The following DCLK1 variants were observed in gnomAD, a reference collection of about 807,000 sequenced individuals.
The protein encoded by DCLK1 is serine/threonine-protein kinase DCLK1.
Under a neutral mutation model 86.2 loss-of-function variants are expected in DCLK1, and 16 were observed. That is an observed-to-expected ratio of 0.19 (90% CI 0.13 to 0.28). The LOEUF (loss-of-function observed/expected upper bound fraction) is 0.28, where lower values mean the gene tolerates loss of function less well. DCLK1 is among the 10% of genes least tolerant of loss of function. The probability of loss-of-function intolerance (pLI) is 1.00; values close to 1 mark genes in which losing one functional copy is unlikely to be tolerated. For missense variants in DCLK1, 590 were observed against 940.2 expected (o/e 0.63, Z 4.87); for synonymous variants, 369 against 370.5 (o/e 1.00, Z 0.05).
At position 36,000,959 on chromosome 13, in the gene DCLK1, T is replaced by G. The variant is rs1479226046; in HGVS notation, c.724-53502A>C. Among the ~76,000 whole-genome samples, 5 of 152,178 alleles carry G rather than the reference T, an allele frequency of 3.3e-5. No individual in the cohort carries two copies. In the East Asian group the frequency reaches 9.7e-4, roughly 29 times the overall value. On this transcript the variant is annotated intron_variant, in intron 3 of 16. Transcript: ENST00000360631. ...GTTGTATGCATAACTGATTTTTTTTTTTTTTTGAGACAGAGTTTCACTTTT... is the reference window on the plus strand; with the variant it reads ...GTTGTATGCATAACTGATTTTTTTTGTTTTTTGAGACAGAGTTTCACTTTT...
At chr13:35,961,068 T>A (rs1555353052) in intron 3 of DCLK1, among the ~76,000 whole-genome samples, 1 of 152,206 alleles carries the variant, frequency 6.6e-6, no homozygotes, top group Non-Finnish European at 1.5e-5. Flanking sequence ...CAGCATATAA[T>A]AGAGGTTTTG....
At chr13:36,013,461 C>T (rs1389515280) in intron 3 of DCLK1, among the ~76,000 whole-genome samples, 2 of 152,154 alleles carry the variant, frequency 1.3e-5, no homozygotes, top group African/African-American at 4.8e-5. Context: ...GGACCCTCAG[C>T]TGCAGGTCTT....
chr13:35,947,182 C>T (rs188565420), intron 4 of DCLK1, among the ~76,000 whole-genome samples, 176 bp downstream of exon 4: 5 of 152,158 alleles, frequency 3.3e-5, no homozygotes, highest in Non-Finnish European at 5.9e-5. Flanking sequence ...CTCATTTCAT[C>T]TGTTTTCCAT....
At chr13:35,924,577 A>C (rs1198310782) in intron 4 of DCLK1, among the ~76,000 whole-genome samples, 4 of 152,142 alleles carry the variant, frequency 2.6e-5, no homozygotes, top group Admixed American at 1.3e-4. Flanking sequence ...GCTTGAACCC[A>C]AGGTGAAGGT....
At chr13:35,827,827 A>G (rs1203171957) in intron 9 of DCLK1, 73 bp from the exon 10 acceptor site, 1 of 1,566,914 alleles carries the variant, frequency 6.4e-7, no homozygotes, top group African/African-American at 1.4e-5. Flanking sequence ...GAGTACAACT[A>G]TACTATGTAA....
intron 3 of DCLK1, among the ~76,000 whole-genome samples, chr13:35,948,355 A>G (rs999692741): frequency 6.6e-6 from 1 of 152,200 alleles, no homozygotes; most frequent in Non-Finnish European, 1.5e-5. Context: ...GCACCCATTC[A>G]GAGCTGTATG....
intron 3 of DCLK1, among the ~76,000 whole-genome samples, chr13:36,020,241 G>A (rs558758006): frequency 3.3e-4 from 50 of 152,156 alleles, no homozygotes; most frequent in African/African-American, 1.1e-3. Flanking sequence ...GTATTCTTTT[G>A]TAGTAATACA....
intron 3 of DCLK1, among the ~76,000 whole-genome samples, chr13:36,048,240 A>C (rs1204710061): frequency 6.6e-6 from 1 of 152,184 alleles, no homozygotes; most frequent in Non-Finnish European, 1.5e-5. Context: ...GAAACCTTTC[A>C]CTAGGGACAA....
chr13:36,126,491 T>C (rs1886193657), intron 1 of DCLK1, among the ~76,000 whole-genome samples: 1 of 152,186 alleles, frequency 6.6e-6, no homozygotes, highest in South Asian at 2.1e-4. Context: ...CTTGAATCCC[T>C]GGCCTCAAGT....
At chr13:36,022,906 G>C (rs1271838487) in intron 3 of DCLK1, among the ~76,000 whole-genome samples, 1 of 152,148 alleles carries the variant, frequency 6.6e-6, no homozygotes. Flanking sequence ...TTTGAGGCTA[G>C]TATTATCCTG....
rs1174183475 is a variant in DCLK1, at chr13:35,769,296, CTT to C, written c.*5237_*5238del. ...TTCAAAAGAAATATTGAATTTTTTT[CTT>C]GAGTCAAATTGAAACCTTTCAGAAA... is the stretch of plus-strand genomic sequence containing the variant. On this transcript the variant is annotated 3_prime_UTR_variant, in exon 17 of 17. Transcript: ENST00000360631. 2 of 152,092 alleles carry C rather than the reference CTT, an allele frequency of 1.3e-5. No individual in the cohort carries two copies. The highest frequency in any genetic ancestry group is 2.4e-5 in the African/African-American group (1 of 41,434). 9.4% of individuals were successfully genotyped at this position (152,092 alleles called of 1,614,324 possible).
intron 5 of DCLK1, among the ~76,000 whole-genome samples, chr13:35,861,810 A>G (rs1871409198): frequency 7.0e-6 from 1 of 142,678 alleles, no homozygotes; most frequent in Non-Finnish European, 1.6e-5. Flanking sequence ...GTAGATCACG[A>G]GGTCAGAAGA....
chr13:35,829,431 C>T (rs559904959), intron 8 of DCLK1, among the ~76,000 whole-genome samples: 1 of 152,068 alleles, frequency 6.6e-6, no homozygotes, highest in African/African-American at 2.4e-5. Context: ...ATCCAATGGA[C>T]ACAAATAGTA....
chr13:35,825,188 G>A (rs1314161236), intron 10 of DCLK1, among the ~76,000 whole-genome samples: 1 of 152,132 alleles, frequency 6.6e-6, no homozygotes, highest in Non-Finnish European at 1.5e-5. Flanking sequence ...ACATCCCTGG[G>A]CCCTGAGGGT....
At chr13:35,973,416 C>CCT (rs1879165453) in intron 3 of DCLK1, among the ~76,000 whole-genome samples, 1 of 152,194 alleles carries the variant, frequency 6.6e-6, no homozygotes, top group Non-Finnish European at 1.5e-5. Context: ...CTCCCCTGCA[C>CCT]CTCGCACCTC....
chr13:36,101,845 G>A (rs1230200832), intron 3 of DCLK1, among the ~76,000 whole-genome samples: 1 of 152,074 alleles, frequency 6.6e-6, no homozygotes, highest in East Asian at 1.9e-4. Context: ...CAAGTTTCAA[G>A]GGATTCTTCT....
chr13:35,988,020 T>C (rs1311292568), intron 3 of DCLK1, among the ~76,000 whole-genome samples: 1 of 152,190 alleles, frequency 6.6e-6, no homozygotes, highest in African/African-American at 2.4e-5. Flanking sequence ...CCCAGCCACC[T>C]GGCTAGATCT....
intron 3 of DCLK1, among the ~76,000 whole-genome samples, chr13:35,959,356 T>G (rs1369514641): frequency 2.6e-5 from 4 of 152,044 alleles, no homozygotes; most frequent in Non-Finnish European, 4.4e-5. Flanking sequence ...GGGCCAGGCA[T>G]AATAAAACAC....
chr13:35,994,542 TA>T (rs1422951739), intron 3 of DCLK1, among the ~76,000 whole-genome samples: 4 of 152,320 alleles, frequency 2.6e-5, no homozygotes, highest in Non-Finnish European at 2.9e-5. Flanking sequence ...TTGCCCCTGG[TA>T]ATTATACTAA....
Sources: allele counts gnomAD v4.1 joint callset (sites outside exome capture counted in the v4.1 genomes callset), GRCh38; gene constraint gnomAD v4.1.1; transcripts MANE v1.5; gene names NCBI Gene and HGNC (gene_info 2026-07-23, HGNC 2026-07-21).